RHEX: variants seen among roughly 807,000 people sequenced by gnomAD.
The protein encoded by RHEX is regulator of hemoglobinization and erythroid cell expansion, also known as regulator of hemoglobinization and erythroid cell expansion protein.
RHEX carries 18 observed loss-of-function variants against 20.1 expected under a neutral mutation model. The observed-to-expected ratio is 0.90, with a 90% CI of 0.62 to 1.33. The LOEUF is 1.33. RHEX is among the 40% of genes most tolerant of loss of function. The probability of loss-of-function intolerance (pLI) is 0.00; values close to 1 mark genes in which losing one functional copy is unlikely to be tolerated. For synonymous variants in RHEX, 87 were observed against 77.1 expected, an observed-to-expected ratio of 1.13 and a Z score of -0.67; for missense variants, 192 against 214.3, an observed-to-expected ratio of 0.90 and a Z score of 0.65.
intron 1 of RHEX, among the ~76,000 whole-genome samples, chr1:206,073,140 T>C (rs1315475528): frequency 2.0e-5 from 3 of 152,158 alleles, no homozygotes; most frequent in Admixed American, 1.3e-4. Flanking sequence ...GCCTGGCTCC[T>C]CCTGTGTCTT....
At chr1:206,091,557 A>T (rs964847795) in intron 1 of RHEX, among the ~76,000 whole-genome samples, 4 of 152,150 alleles carry the variant, frequency 2.6e-5, no homozygotes, top group African/African-American at 9.7e-5. Flanking sequence ...AATTTTAAAA[A>T]TTTGCCCTAT....
At chr1:206,077,542 A>AGG (rs1235597658) in intron 1 of RHEX, among the ~76,000 whole-genome samples, 1 of 152,066 alleles carries the variant, frequency 6.6e-6, no homozygotes, top group Non-Finnish European at 1.5e-5. Context: ...GAGGGGAAGG[A>AGG]GGGAGGATGA....
rs181116134 is a variant in RHEX at position 206,074,296 on chromosome 1, A to G, written c.-97+21031A>G. 1.9e-4 allele frequency among the ~76,000 whole-genome samples: 29 copies of G among 152,340 alleles called. 1 individual carries two copies. The South Asian group carries it at 5.2e-3, about 27-fold the overall frequency. Reference sequence around the variant, plus strand: ...TCCCAATAGCATGAGGATGGGGACAATGTCTATCTTCTTCAACTCTGTATC... The same window carrying G: ...TCCCAATAGCATGAGGATGGGGACAGTGTCTATCTTCTTCAACTCTGTATC... On this transcript the variant is annotated intron_variant, in intron 1 of 5. Coordinates refer to ENST00000331555, the MANE Select transcript of RHEX (RefSeq NM_001007544.4).
At chr1:206,068,586 AC>A (rs1662472974) in intron 1 of RHEX, among the ~76,000 whole-genome samples, 1 of 152,212 alleles carries the variant, frequency 6.6e-6, no homozygotes, top group Admixed American at 6.5e-5. Context: ...AGTCGAAGTG[AC>A]CTTGAGAAGA....
At chr1:206,093,517 C>T (rs959983228) in intron 1 of RHEX, among the ~76,000 whole-genome samples, 12 of 152,176 alleles carry the variant, frequency 7.9e-5, no homozygotes, top group Admixed American at 7.2e-4. Context: ...GATCCACCCA[C>T]CTCGGCCTCC....
intron 4 of RHEX, among the ~76,000 whole-genome samples, chr1:206,100,248 A>G (rs1663161533): frequency 1.3e-5 from 2 of 152,218 alleles, no homozygotes; most frequent in South Asian, 2.1e-4. Context: ...ATGGTCTTAG[A>G]TCTGCATGGG....
intron 1 of RHEX, among the ~76,000 whole-genome samples, chr1:206,074,719 CA>C (rs1662598090): frequency 6.6e-6 from 1 of 152,170 alleles, no homozygotes; most frequent in Non-Finnish European, 1.5e-5. Context: ...TGAAATGCTC[CA>C]AAAGCTGGAA....
intron 1 of RHEX, among the ~76,000 whole-genome samples, chr1:206,057,115 T>C (rs573671783): frequency 6.6e-6 from 1 of 152,370 alleles, no homozygotes; most frequent in African/African-American, 2.4e-5. Context: ...CCAGAACCAG[T>C]ATTTCAGACT....
intron 1 of RHEX, among the ~76,000 whole-genome samples, chr1:206,096,154 G>A (rs891209727): frequency 1.3e-4 from 20 of 152,140 alleles, no homozygotes; most frequent in Non-Finnish European, 2.8e-4. Flanking sequence ...TTTCTAAAAC[G>A]TGTTGCTCAT....
chr1:206,101,302 A>AAAAGAGGG, intron 5 of RHEX, 105 bp downstream of exon 5: 1 of 900,992 alleles, frequency 1.1e-6, no homozygotes, highest in Non-Finnish European at 1.7e-6. Flanking sequence ...TGGGAGCAAG[A>AAAAGAGGG]AAAGAGGGTT....
intron 1 of RHEX, among the ~76,000 whole-genome samples, chr1:206,057,958 A>G (rs1373129245): frequency 3.3e-5 from 5 of 152,288 alleles, no homozygotes; most frequent in Non-Finnish European, 5.9e-5. Context: ...GACTATGATG[A>G]GAAATGCTAT....
intron 1 of RHEX, among the ~76,000 whole-genome samples, chr1:206,090,605 A>G (rs1662930015): frequency 2.0e-5 from 3 of 152,218 alleles, no homozygotes; most frequent in Middle Eastern, 3.4e-3. Context: ...AAAACTCACC[A>G]TAATTTTTAT....
Position 206,069,186 on chromosome 1 carries a change from C to T in RHEX, c.-97+15921C>T, listed in dbSNP as rs192143405. Among the ~76,000 whole-genome samples, 48 of 152,342 alleles carry T rather than the reference C, an allele frequency of 3.2e-4. 1 individual carries two copies. Among genetic ancestry groups the T allele is most frequent in the East Asian group, 9.6e-4 (5 of 5,186 alleles). On this transcript the variant is annotated intron_variant, in intron 1 of 5. Coordinates refer to ENST00000331555, the MANE Select transcript of RHEX (RefSeq NM_001007544.4). ...AGTGAATATTTGCAATTCCTAAAGA[C>T]GTGTTTTGATTGTCACACCTGGGTG...
chr1:206,083,019 A>T (rs1428792527), intron 1 of RHEX, among the ~76,000 whole-genome samples: 2 of 152,130 alleles, frequency 1.3e-5, no homozygotes, highest in Non-Finnish European at 2.9e-5. Context: ...GCCTCATTTG[A>T]TGCTTAATGA....
intron 1 of RHEX, among the ~76,000 whole-genome samples, chr1:206,094,239 T>C (rs1663019807): frequency 6.6e-6 from 1 of 152,118 alleles, no homozygotes; most frequent in African/African-American, 2.4e-5. Flanking sequence ...CTGCTGATTG[T>C]CTGATCAGCA....
intron 5 of RHEX, 132 bp from the exon 6 acceptor site, chr1:206,101,620 C>T (rs1304582762): frequency 2.6e-5 from 18 of 687,676 alleles, no homozygotes; most frequent in Non-Finnish European, 4.5e-5. Flanking sequence ...CTCCCAGACA[C>T]AGCTATTTGG....
intron 1 of RHEX, among the ~76,000 whole-genome samples, chr1:206,078,009 C>T (rs1553285445): frequency 6.6e-6 from 1 of 152,178 alleles, no homozygotes; most frequent in Non-Finnish European, 1.5e-5. Flanking sequence ...TTTCGCTGTA[C>T]ACAAACTTTG....
intron 1 of RHEX, among the ~76,000 whole-genome samples, chr1:206,068,787 C>T (rs1662475884): frequency 6.6e-6 from 1 of 152,180 alleles, no homozygotes; most frequent in Non-Finnish European, 1.5e-5. Flanking sequence ...GTATAAGGTA[C>T]TTTGTGAATA....
intron 1 of RHEX, among the ~76,000 whole-genome samples, chr1:206,097,178 G>A (rs1033340099): frequency 5.3e-5 from 8 of 152,156 alleles, no homozygotes. Context: ...GTGAGAGACA[G>A]GTAATTTCCT....
Sources: gnomAD v4.1 joint callset for allele counts (sites outside exome capture counted in the v4.1 genomes callset) on GRCh38, gnomAD v4.1.1 for gene constraint, MANE v1.5 for transcripts, NCBI Gene and HGNC (gene_info 2026-07-23, HGNC 2026-07-21) for gene names.